SLC19A3: variants seen among roughly 807,000 people sequenced by gnomAD.
SLC19A3 encodes the protein thiamine transporter 2.
Under a neutral mutation model 40.2 loss-of-function variants are expected in SLC19A3, and 31 were observed. The observed-to-expected ratio is 0.77, with a 90% confidence interval of 0.58 to 1.04. SLC19A3 has a LOEUF of 1.04. SLC19A3 is among the 50% of genes least tolerant of loss of function. The probability of loss-of-function intolerance (pLI) is 0.00; values close to 1 mark genes in which losing one functional copy is unlikely to be tolerated. For synonymous variants in SLC19A3, 212 were observed against 227.5 expected (o/e 0.93, Z 0.61); for missense variants, 592 against 596.7 (o/e 0.99, Z 0.08).
chr2:227,690,164 G>A (rs545378290), intron 4 of SLC19A3, among the ~76,000 whole-genome samples: 1 of 152,236 alleles, frequency 6.6e-6, no homozygotes, highest in Non-Finnish European at 1.5e-5. Context: ...CTTCAAAAGA[G>A]AGTGGTTGAA....
At chr2:227,712,640 A>G (rs1236700070) in intron 1 of SLC19A3, among the ~76,000 whole-genome samples, 1 of 152,234 alleles carries the variant, frequency 6.6e-6, no homozygotes, top group East Asian at 1.9e-4. Flanking sequence ...GAATGTTCAT[A>G]TATTTATATT....
chr2:227,687,823 A>G (rs1015143395), intron 5 of SLC19A3, among the ~76,000 whole-genome samples: 1 of 152,184 alleles, frequency 6.6e-6, no homozygotes, highest in African/African-American at 2.4e-5. Context: ...CATAGTTACT[A>G]TCATCAATAG....
chr2:227,687,220 A>G lies in SLC19A3; in HGVS notation c.*177T>C, dbSNP rs922195196. 1 of 594,210 alleles carries G rather than the reference A, an allele frequency of 1.7e-6. No homozygotes were observed. The highest frequency in any genetic ancestry group is 3.3e-5 in the Admixed American group (1 of 30,498). 36.8% of individuals were successfully genotyped at this position (594,210 alleles called of 1,614,324 possible). ...GGTCCTGTCAATTGCATCCAGTAAA[A>G]TTGGTCACATAGAGAACTCATCTAA... On this transcript the variant is annotated 3_prime_UTR_variant, in exon 6 of 6. Coordinates refer to ENST00000644224, the MANE Select transcript of SLC19A3 (RefSeq NM_025243.4).
chr2:227,706,239 AG>A (rs1370490532), intron 1 of SLC19A3: 1 of 1,060,952 alleles, frequency 9.4e-7, no homozygotes, highest in Non-Finnish European at 1.2e-6. Flanking sequence ...CCTCTAAAAA[AG>A]TGCTCTAAAC....
chr2:227,710,747 T>C (rs1025890275), intron 1 of SLC19A3, among the ~76,000 whole-genome samples: 22 of 152,242 alleles, frequency 1.4e-4, no homozygotes, highest in African/African-American at 4.8e-4. Flanking sequence ...AAGACACCTG[T>C]TACTCAGGAA....
At chr2:227,706,019 C>T (rs1695924097) in intron 1 of SLC19A3, among the ~76,000 whole-genome samples, 1 of 151,214 alleles carries the variant, frequency 6.6e-6, no homozygotes. Flanking sequence ...CTGCACTCCA[C>T]TCTGGGCGAC....
intron 1 of SLC19A3, among the ~76,000 whole-genome samples, chr2:227,709,953 G>C (rs1696082665): frequency 6.6e-6 from 1 of 152,054 alleles, no homozygotes; most frequent in African/African-American, 2.4e-5. Context: ...GAGTTAGGGG[G>C]AATGGTTTTG....
At position 227,687,380 on chromosome 2, in the gene SLC19A3, C is replaced by G. The variant is rs761295032; in HGVS notation, c.*17G>C. ...TGCATAACTTTGAAAGCCACTGTTG[C>G]GTTTGTTGCGATGAGGTTAGAGTTT... On this transcript the variant is annotated 3_prime_UTR_variant, in exon 6 of 6. Coordinates refer to ENST00000644224, the MANE Select transcript of SLC19A3 (RefSeq NM_025243.4). 11 of 1,590,886 alleles carry G rather than the reference C, an allele frequency of 6.9e-6. No homozygotes were observed. Among genetic ancestry groups the G allele is most frequent in the African/African-American group, 1.3e-5 (1 of 74,160 alleles).
Position 227,702,168 on chromosome 2 carries a change from C to A in SLC19A3, c.150+1G>T. On this transcript the variant is annotated splice_donor_variant, in intron 2 of 5. Transcript: ENST00000644224. LOFTEE classifies it high-confidence loss of function. The stretch of plus-strand genomic sequence containing the variant: ...TAAGATATGTATGTATGTTAACTTA[C>A]CTCTGCACTGGTCAGGTTTTTATCT... 1 of 1,612,606 alleles carries A rather than the reference C, an allele frequency of 6.2e-7. No individual in the cohort carries two copies.
Position 227,685,870 on chromosome 2 carries a change from C to A in SLC19A3, c.*1527G>T. ...TTAACAACTCTTTAAAATTTTTACACATTTTATTTAGCACAATTGCTACCA... is the reference window on the plus strand; with the variant it reads ...TTAACAACTCTTTAAAATTTTTACAAATTTTATTTAGCACAATTGCTACCA... On this transcript the variant is annotated 3_prime_UTR_variant, in exon 6 of 6. Coordinates refer to ENST00000644224, the MANE Select transcript of SLC19A3 (RefSeq NM_025243.4). 1 of 162,866 alleles carries A rather than the reference C, an allele frequency of 6.1e-6. No individual in the cohort carries two copies. The highest frequency in any genetic ancestry group is 1.5e-4 in the South Asian group (1 of 6,646). 10.1% of individuals were successfully genotyped at this position (162,866 alleles called of 1,614,324 possible).
intron 4 of SLC19A3, among the ~76,000 whole-genome samples, chr2:227,694,310 AAT>A (rs1695346168): frequency 6.6e-6 from 1 of 152,170 alleles, no homozygotes; most frequent in Non-Finnish European, 1.5e-5. Context: ...CCCAGCCGTG[AAT>A]ATTTTTTTTT....
chr2:227,717,465 G>C (rs1218513873), intron 1 of SLC19A3, among the ~76,000 whole-genome samples: 1 of 152,104 alleles, frequency 6.6e-6, no homozygotes, highest in South Asian at 2.1e-4. Flanking sequence ...CAGTGTTTTT[G>C]TAAGGTGTAG....
intron 1 of SLC19A3, among the ~76,000 whole-genome samples, chr2:227,713,871 G>C (rs1333420890): frequency 2.0e-5 from 3 of 150,866 alleles, no homozygotes; most frequent in Non-Finnish European, 2.9e-5. Flanking sequence ...CTGTGTACAA[G>C]AATCCAGATA....
At chr2:227,707,397 C>A (rs1331799549) in intron 1 of SLC19A3, among the ~76,000 whole-genome samples, 1 of 152,000 alleles carries the variant, frequency 6.6e-6, no homozygotes, top group African/African-American at 2.4e-5. Flanking sequence ...CTAGCCTGAG[C>A]GACACGGTGA....
At chr2:227,704,186 C>G (rs1695832702) in intron 1 of SLC19A3, among the ~76,000 whole-genome samples, 1 of 152,116 alleles carries the variant, frequency 6.6e-6, no homozygotes, top group Admixed American at 6.5e-5. Context: ...GTGTCAGGAA[C>G]AGGCAAGAAT....
intron 1 of SLC19A3, among the ~76,000 whole-genome samples, chr2:227,712,256 G>GAC (rs140233480): frequency 8.7e-4 from 131 of 151,410 alleles, no homozygotes; most frequent in Admixed American, 1.4e-3. Flanking sequence ...ACCACACACA[G>GAC]ACACACACAC....
Position 227,697,744 on chromosome 2 carries a change from A to T in SLC19A3, c.979+992T>A, listed in dbSNP as rs151200725. Among the ~76,000 whole-genome samples, 10 of 152,360 alleles carry T rather than the reference A, an allele frequency of 6.6e-5. No homozygotes were observed. In the East Asian group the frequency reaches 1.9e-3, roughly 29 times the overall value. ...GAATTGGAATCTTAGGGATTCAACT[A>T]GAATTTCATTGTTTGGTGCTAATCC... On this transcript the variant is annotated intron_variant, in intron 3 of 5. Transcript: ENST00000644224.
intron 1 of SLC19A3, among the ~76,000 whole-genome samples, chr2:227,707,083 C>A (rs1249392325): frequency 6.6e-6 from 1 of 152,172 alleles, no homozygotes; most frequent in Non-Finnish European, 1.5e-5. Flanking sequence ...ACCTGCACGG[C>A]AGACCAGAGT....
intron 1 of SLC19A3, among the ~76,000 whole-genome samples, chr2:227,715,864 T>C (rs35427269): frequency 0.15 from 21,965 of 147,936 alleles, 2,128 homozygotes; most frequent in South Asian, 0.33. Flanking sequence ...GTGGGAAGAT[T>C]GCTTGAACAG....
Sources: gnomAD v4.1 joint callset for allele counts (sites outside exome capture counted in the v4.1 genomes callset) on GRCh38, gnomAD v4.1.1 for gene constraint, MANE v1.5 for transcripts, NCBI Gene and HGNC (gene_info 2026-07-23, HGNC 2026-07-21) for gene names.